SLC6A15: variants seen among roughly 807,000 people sequenced by gnomAD.
SLC6A15 encodes solute carrier family 6 member 15.
In SLC6A15, 33 loss-of-function variants were observed where a neutral mutation model predicts 68.5. The observed-to-expected ratio is 0.48, with a 90% CI of 0.37 to 0.64. SLC6A15 has a LOEUF of 0.64. Ranked by LOEUF, SLC6A15 falls within the 30% of genes least tolerant of loss-of-function variation. The pLI is 0.00. For missense variants in SLC6A15, 747 were observed against 874.3 expected (o/e 0.85, Z 1.84); for synonymous variants, 347 against 301.0 (o/e 1.15, Z -1.58).
chr12:84,860,571 T>C lies in SLC6A15; in HGVS notation c.*1061A>G, dbSNP rs1005060767. ...CTTGGAATGTGATGTTTAGTTATTATGAAATGTCTAAGTGCTGACTGAAAT... is the reference window on the plus strand; with the variant it reads ...CTTGGAATGTGATGTTTAGTTATTACGAAATGTCTAAGTGCTGACTGAAAT... On this transcript the variant is annotated 3_prime_UTR_variant, in exon 12 of 12. Transcript: ENST00000266682. 2 of 152,138 alleles carry C rather than the reference T, an allele frequency of 1.3e-5. No individual in the cohort carries two copies. Among genetic ancestry groups the C allele is most frequent in the African/African-American group, 4.8e-5 (2 of 41,448 alleles). The allele number at this position is 152,138 out of a possible 1,614,324, so 9.4% of individuals were successfully genotyped here. A position where few individuals can be genotyped will look rare whatever the true frequency, so the allele number is the denominator to read the frequency against.
At chr12:84,909,185 CAAAT>C (rs1332533914) in intron 1 of SLC6A15, among the ~76,000 whole-genome samples, 1 of 152,142 alleles carries the variant, frequency 6.6e-6, no homozygotes, top group Non-Finnish European at 1.5e-5. Flanking sequence ...TTCTGTATAA[CAAAT>C]AATCTCTTTG....
chr12:84,901,094 T>A (rs906286275), intron 1 of SLC6A15, among the ~76,000 whole-genome samples: 1 of 150,690 alleles, frequency 6.6e-6, no homozygotes, highest in African/African-American at 2.4e-5. Flanking sequence ...ATATATATAA[T>A]GTATTTTGCT....
chr12:84,892,141 T>TTA lies in SLC6A15; in HGVS notation c.-22_-21insTA. The TTA allele has an allele frequency of 1.5e-6, 2 of 1,342,732 alleles. No homozygotes were observed. Among genetic ancestry groups the TTA allele is most frequent in the Non-Finnish European group, 9.9e-7 (1 of 1,008,168 alleles). The allele number at this position is 1,342,732 out of a possible 1,614,324, so 83.2% of individuals were successfully genotyped here. ...GGCATTGGAGAGTATGCGAAGTATTTAAAAAAAAAAAAAAAAACTCCCTTA... is the reference window on the plus strand; with the variant it reads ...GGCATTGGAGAGTATGCGAAGTATTTTAAAAAAAAAAAAAAAAAACTCCCTTA... On this transcript the variant is annotated 5_prime_UTR_variant, in exon 2 of 12. Coordinates refer to ENST00000266682, the MANE Select transcript of SLC6A15 (RefSeq NM_182767.6).
At chr12:84,870,311 A>G (rs140942871) in intron 9 of SLC6A15, among the ~76,000 whole-genome samples, 167 bp downstream of exon 9, 2,432 of 150,508 alleles carry the variant, frequency 0.016, 72 homozygotes, top group African/African-American at 0.054. Flanking sequence ...AAATTATACA[A>G]TTAAAATAAA....
chr12:84,892,152 A>AAC lies in SLC6A15; in HGVS notation c.-33_-32insGT. On this transcript the variant is annotated 5_prime_UTR_variant, in exon 2 of 12. Coordinates refer to ENST00000266682, the MANE Select transcript of SLC6A15 (RefSeq NM_182767.6). ...GTATGCGAAGTATTTAAAAAAAAAA[A>AAC]AAAAAACTCCCTTATGGCAAATGTG... The AAC allele has an allele frequency of 6.5e-7, 1 of 1,547,734 alleles. No homozygotes were observed. Among genetic ancestry groups the AAC allele is most frequent in the African/African-American group, 1.4e-5 (1 of 71,816 alleles).
chr12:84,880,331 A>C (rs887956217), intron 5 of SLC6A15, among the ~76,000 whole-genome samples: 1 of 152,220 alleles, frequency 6.6e-6, no homozygotes, highest in Admixed American at 6.5e-5. Context: ...ATATGGCTCT[A>C]ATCTTATTAG....
At chr12:84,874,901 T>C (rs1871448822) in intron 6 of SLC6A15, among the ~76,000 whole-genome samples, 1 of 152,204 alleles carries the variant, frequency 6.6e-6, no homozygotes, top group Non-Finnish European at 1.5e-5. Context: ...CTTCTCATAT[T>C]GAGTATCACA....
chr12:84,879,486 C>T (rs572695823), intron 5 of SLC6A15, among the ~76,000 whole-genome samples: 15 of 151,672 alleles, frequency 9.9e-5, no homozygotes, highest in East Asian at 3.9e-4. Flanking sequence ...CCACCATGCC[C>T]GGACAATTTT....
chr12:84,883,382 T>G (rs755508951), intron 5 of SLC6A15: 27 of 1,012,890 alleles, frequency 2.7e-5, no homozygotes, highest in Non-Finnish European at 3.0e-5. Flanking sequence ...TGTTCAGAGC[T>G]TTAAGAAACA....
At chr12:84,878,053 A>G (rs1871639263) in intron 5 of SLC6A15, among the ~76,000 whole-genome samples, 4 of 152,110 alleles carry the variant, frequency 2.6e-5, no homozygotes, top group Admixed American at 2.6e-4. Context: ...TGAATTCAAT[A>G]ATAACTACAA....
At chr12:84,899,169 C>T (rs1485137916) in intron 1 of SLC6A15, among the ~76,000 whole-genome samples, 2 of 152,150 alleles carry the variant, frequency 1.3e-5, no homozygotes, top group Non-Finnish European at 2.9e-5. Flanking sequence ...TGTACAAGTG[C>T]TACTAGAGCC....
intron 6 of SLC6A15, among the ~76,000 whole-genome samples, chr12:84,873,598 T>C (rs1256526754): frequency 6.6e-6 from 1 of 152,164 alleles, no homozygotes; most frequent in South Asian, 2.1e-4. Flanking sequence ...TTTAAGAATA[T>C]CAAAGGAAAT....
intron 1 of SLC6A15, among the ~76,000 whole-genome samples, chr12:84,894,848 T>C (rs1042317386): frequency 6.6e-6 from 1 of 152,182 alleles, no homozygotes; most frequent in Middle Eastern, 3.4e-3. Flanking sequence ...AAATTTTAAA[T>C]GTAATATTAT....
chr12:84,898,905 C>T (rs1872738206), intron 1 of SLC6A15, among the ~76,000 whole-genome samples: 1 of 152,196 alleles, frequency 6.6e-6, no homozygotes, highest in African/African-American at 2.4e-5. Context: ...TTAATTCTTT[C>T]ATGATTCTCT....
chr12:84,879,287 A>C (rs1490383777), intron 5 of SLC6A15, among the ~76,000 whole-genome samples: 1 of 151,654 alleles, frequency 6.6e-6, no homozygotes, highest in Non-Finnish European at 1.5e-5. Context: ...CCTTCTTGCA[A>C]ATCCAGTTTA....
chr12:84,889,138 T>C (rs927724272), intron 2 of SLC6A15, among the ~76,000 whole-genome samples: 1 of 152,174 alleles, frequency 6.6e-6, no homozygotes, highest in African/African-American at 2.4e-5. Flanking sequence ...TCTCACTAGA[T>C]CTACCCTTTT....
chr12:84,882,422 T>A (rs1871862177), intron 5 of SLC6A15: 43 of 968,990 alleles, frequency 4.4e-5, no homozygotes, highest in Non-Finnish European at 5.2e-5. Flanking sequence ...ATTCACAAAT[T>A]CAAAAGACAA....
chr12:84,883,712 T>C, intron 5 of SLC6A15, 147 bp downstream of exon 5: 2 of 1,589,228 alleles, frequency 1.3e-6, no homozygotes, highest in South Asian at 2.3e-5. Context: ...AAGCACACTT[T>C]TGAAGTGTCA....
Position 84,873,128 on chromosome 12 carries a change from C to T in SLC6A15, c.1068G>A (p.Leu356=). ...VLATLVVFAV[L]GFKANVINEK... Reference sequence around the variant, plus strand: ...CATTTATGACATTTGCTTTGAAGCCCAGAACTGCAAACACCACCAATGTTG... The same window carrying T: ...CATTTATGACATTTGCTTTGAAGCCTAGAACTGCAAACACCACCAATGTTG... The change falls in exon 7 of 12, where the codon CTG becomes CTA. Residue 356 remains leucine (L), a synonymous_variant. Transcript: ENST00000266682. The T allele has an allele frequency of 6.2e-7, 1 of 1,614,010 alleles. No homozygotes were observed.
Sources: allele counts gnomAD v4.1 joint callset (sites outside exome capture counted in the v4.1 genomes callset), GRCh38; gene constraint gnomAD v4.1.1; transcripts MANE v1.5; gene names NCBI Gene and HGNC (gene_info 2026-07-23, HGNC 2026-07-21).